Variants in SLC39A11 observed in about 807,000 individuals in gnomAD.
SLC39A11 encodes the protein solute carrier family 39 member 11.
A neutral mutation model predicts 36.1 loss-of-function variants in SLC39A11; 33 were observed. The observed-to-expected ratio is 0.91, with a 90% CI of 0.69 to 1.22. SLC39A11 has a LOEUF of 1.22. SLC39A11 is among the 50% of genes most tolerant of loss of function. The probability of loss-of-function intolerance (pLI) is 0.00; values close to 1 mark genes in which losing one functional copy is unlikely to be tolerated. For missense variants in SLC39A11, 432 were observed against 430.3 expected, an observed-to-expected ratio of 1.00 and a Z score of -0.03; for synonymous variants, 166 against 170.3, an observed-to-expected ratio of 0.97 and a Z score of 0.20.
At chr17:72,738,548 C>T (rs1469588) in intron 6 of SLC39A11, among the ~76,000 whole-genome samples, 1 of 151,796 alleles carries the variant, frequency 6.6e-6, no homozygotes, top group Non-Finnish European at 1.5e-5. Context: ...TATCTGATGG[C>T]GCAGCGAGGG....
intron 4 of SLC39A11, among the ~76,000 whole-genome samples, chr17:72,987,477 T>C (rs1486398740): frequency 1.3e-5 from 2 of 152,066 alleles, no homozygotes; most frequent in Non-Finnish European, 2.9e-5. Flanking sequence ...AGAAATAAGA[T>C]GGAATGAACA....
At chr17:72,776,847 A>G (rs2076154093) in intron 6 of SLC39A11, among the ~76,000 whole-genome samples, 1 of 152,212 alleles carries the variant, frequency 6.6e-6, no homozygotes. Flanking sequence ...GCTGGTCCAC[A>G]GTAAATCGAA....
intron 7 of SLC39A11, among the ~76,000 whole-genome samples, chr17:72,683,713 G>T (rs1410334591): frequency 6.6e-6 from 1 of 151,616 alleles, no homozygotes; most frequent in Non-Finnish European, 1.5e-5. Flanking sequence ...AGAGTCAAAG[G>T]GTTGATCTCG....
chr17:73,037,879 T>G (rs1484169497), intron 3 of SLC39A11, among the ~76,000 whole-genome samples: 1 of 152,232 alleles, frequency 6.6e-6, no homozygotes, highest in African/African-American at 2.4e-5. Context: ...CAGCCCAATT[T>G]CTTTTGCTAA....
At position 72,649,169 on chromosome 17, in the gene SLC39A11, C is replaced by A; in HGVS notation, c.770+1G>T. On this transcript the variant is annotated splice_donor_variant, in intron 8 of 9. Transcript: ENST00000255559. LOFTEE classifies it high-confidence loss of function. The stretch of plus-strand genomic sequence containing the variant: ...TGGCCTTGCCCTTGGGCAGCACTCA[C>A]CAGAAAGCTCTCCAGGTGGAGAAGC... 1 of 1,613,008 alleles carries A rather than the reference C, an allele frequency of 6.2e-7. No homozygotes were observed. Among genetic ancestry groups the A allele is most frequent in the South Asian group, 1.1e-5 (1 of 90,878 alleles).
intron 6 of SLC39A11, among the ~76,000 whole-genome samples, chr17:72,801,068 C>T (rs1047421708): frequency 4.6e-5 from 7 of 152,178 alleles, no homozygotes; most frequent in Admixed American, 1.3e-4. Flanking sequence ...AGCCCACAGA[C>T]GACATGATTT....
chr17:72,706,122 C>T (rs151075774), intron 7 of SLC39A11, among the ~76,000 whole-genome samples: 10 of 152,234 alleles, frequency 6.6e-5, no homozygotes, highest in Middle Eastern at 3.4e-3. Flanking sequence ...AGCTGCCTGC[C>T]GACACCTTGG....
At chr17:72,720,866 C>A (rs1278830424) in intron 7 of SLC39A11, among the ~76,000 whole-genome samples, 1 of 152,140 alleles carries the variant, frequency 6.6e-6, no homozygotes, top group Non-Finnish European at 1.5e-5. Flanking sequence ...TATATAGCAT[C>A]AATAGTGCCT....
intron 7 of SLC39A11, among the ~76,000 whole-genome samples, chr17:72,650,677 C>T (rs1034880450): frequency 6.6e-5 from 10 of 152,146 alleles, no homozygotes; most frequent in Non-Finnish European, 1.2e-4. Flanking sequence ...GTGTGTGGCC[C>T]GAGGGAATTG....
At chr17:72,996,922 C>T (rs914035935) in intron 4 of SLC39A11, among the ~76,000 whole-genome samples, 1 of 152,100 alleles carries the variant, frequency 6.6e-6, no homozygotes, top group Non-Finnish European at 1.5e-5. Context: ...CCTTTTGTGC[C>T]TCTGCCCTTG....
chr17:72,693,323 C>T (rs1418017857), intron 7 of SLC39A11, among the ~76,000 whole-genome samples: 1 of 150,850 alleles, frequency 6.6e-6, no homozygotes, highest in Non-Finnish European at 1.5e-5. Flanking sequence ...AGCCAGCAAG[C>T]TCACGGTCTG....
chr17:72,795,890 T>A (rs931415134), intron 6 of SLC39A11, among the ~76,000 whole-genome samples: 4 of 152,166 alleles, frequency 2.6e-5, no homozygotes, highest in Admixed American at 2.0e-4. Flanking sequence ...CCATTTGGTA[T>A]GTAACAGGGG....
At chr17:72,885,240 C>T (rs974547192) in intron 5 of SLC39A11, among the ~76,000 whole-genome samples, 2 of 152,218 alleles carry the variant, frequency 1.3e-5, no homozygotes, top group African/African-American at 4.8e-5. Flanking sequence ...AATTAAACAG[C>T]TTCCTATGAA....
chr17:72,973,708 G>T (rs1205250120), intron 4 of SLC39A11, among the ~76,000 whole-genome samples: 1 of 152,136 alleles, frequency 6.6e-6, no homozygotes, highest in African/African-American at 2.4e-5. Flanking sequence ...ACAGGCATGT[G>T]CCACCATGCC....
chr17:72,648,920 A>G lies in SLC39A11; in HGVS notation c.812T>C (p.Val271Ala), dbSNP rs994856211. 1 of 1,613,478 alleles carries G rather than the reference A, an allele frequency of 6.2e-7. No individual in the cohort carries two copies. Among genetic ancestry groups the G allele is most frequent in the Non-Finnish European group, 8.5e-7 (1 of 1,179,896 alleles). The change falls in exon 9 of 10, where the codon GTC (valine) becomes GCC (alanine). Residue 271 changes from valine (V) to alanine (A), a missense_variant. Val to Ala is a moderately conservative substitution (Grantham distance 64). Transcript: ENST00000255559. ...CAGCACCACGGCAAAGGCACCAAAG[A>G]CCCCGGCCAGGGGCTCCACCATGCC... ...LSGMVEPLAG[V>A]FGAFAVVLAE...
intron 5 of SLC39A11, among the ~76,000 whole-genome samples, chr17:72,899,035 ACTC>A (rs2082177126): frequency 8.7e-6 from 1 of 114,458 alleles, no homozygotes; most frequent in Non-Finnish European, 1.8e-5. Context: ...ATTCGGCTGC[ACTC>A]TCCTAAGCTT....
Position 72,843,556 on chromosome 17 carries a change from C to T in SLC39A11, c.601+6078G>A, listed in dbSNP as rs905365407. 6.6e-5 allele frequency among the ~76,000 whole-genome samples: 10 copies of T among 152,216 alleles called. No individual in the cohort carries two copies. In the East Asian group the frequency reaches 9.7e-4, roughly 15 times the overall value. Reference sequence around the variant, plus strand: ...GCCCTCTTTCCACCATGTGAGGATACAACGAGAAGACAGTCACCTGCAACC... The same window carrying T: ...GCCCTCTTTCCACCATGTGAGGATATAACGAGAAGACAGTCACCTGCAACC... On this transcript the variant is annotated intron_variant, in intron 6 of 9. Coordinates refer to ENST00000255559, the MANE Select transcript of SLC39A11 (RefSeq NM_139177.4).
At chr17:72,940,371 G>T (rs1173695419) in intron 5 of SLC39A11, among the ~76,000 whole-genome samples, 1 of 151,958 alleles carries the variant, frequency 6.6e-6, no homozygotes, top group African/African-American at 2.4e-5. Context: ...TACCTCCCAG[G>T]TTCAAGTGAT....
At chr17:73,000,144 G>A (rs934850077) in intron 4 of SLC39A11, among the ~76,000 whole-genome samples, 5 of 152,150 alleles carry the variant, frequency 3.3e-5, no homozygotes, top group Admixed American at 6.5e-5. Flanking sequence ...CCAGATGACC[G>A]AGTTCTGCCT....
Sources: allele counts gnomAD v4.1 joint callset (sites outside exome capture counted in the v4.1 genomes callset), GRCh38; gene constraint gnomAD v4.1.1; transcripts MANE v1.5; gene names NCBI Gene and HGNC (gene_info 2026-07-23, HGNC 2026-07-21).